RAPGEF2: variants seen among roughly 807,000 people sequenced by gnomAD.
The protein encoded by RAPGEF2 is PDZ domain containing guanine nucleotide exchange factor (GEF) 1.
RAPGEF2 carries 54 observed loss-of-function variants against 186.7 expected under a neutral mutation model. The ratio of observed to expected loss-of-function variants is 0.29; its 90% CI spans 0.23 to 0.36. The LOEUF (loss-of-function observed/expected upper bound fraction) is 0.36. RAPGEF2 is among the 10% of genes least tolerant of loss of function. The probability of loss-of-function intolerance (pLI) is 1.00; values close to 1 mark genes in which losing one functional copy is unlikely to be tolerated. For missense variants in RAPGEF2, 1,532 were observed against 2,045.0 expected, an observed-to-expected ratio of 0.75 and a Z score of 4.84; for synonymous variants, 712 against 705.9, an observed-to-expected ratio of 1.01 and a Z score of -0.14.
intron 2 of RAPGEF2, among the ~76,000 whole-genome samples, chr4:159,190,061 G>C (rs1747957838): frequency 6.6e-6 from 1 of 152,206 alleles, no homozygotes; most frequent in Non-Finnish European, 1.5e-5. Flanking sequence ...TTAGAGTCAG[G>C]ACAGCCTGCA....
At chr4:159,286,654 G>T (rs895866825) in intron 7 of RAPGEF2, among the ~76,000 whole-genome samples, 4 of 151,986 alleles carry the variant, frequency 2.6e-5, no homozygotes, top group Non-Finnish European at 5.9e-5. Flanking sequence ...CCATTGCTTT[G>T]ATCCTCCCTT....
intron 1 of RAPGEF2, among the ~76,000 whole-genome samples, chr4:159,184,618 G>A (rs1202029571): frequency 6.6e-6 from 1 of 152,136 alleles, no homozygotes; most frequent in Non-Finnish European, 1.5e-5. Context: ...ATTTGTTTAA[G>A]TTCTTTGTAG....
chr4:159,332,748 T>TA, intron 17 of RAPGEF2, 51 bp downstream of exon 17: 1 of 1,576,870 alleles, frequency 6.3e-7, no homozygotes, highest in Non-Finnish European at 8.6e-7. Flanking sequence ...GTTAAAATGA[T>TA]ATGCAAAGAT....
intron 29 of RAPGEF2, among the ~76,000 whole-genome samples, chr4:159,357,899 T>C (rs1732266167): frequency 1.3e-5 from 2 of 152,118 alleles, no homozygotes; most frequent in African/African-American, 4.8e-5. Flanking sequence ...CTTTTTAATA[T>C]TGTGTGTATA....
intron 7 of RAPGEF2, chr4:159,267,639 G>C: frequency 1.6e-6 from 1 of 639,236 alleles, no homozygotes; most frequent in Non-Finnish European, 2.1e-6. Context: ...TTGGTTGGAG[G>C]GTTCTGTATG....
intron 1 of RAPGEF2, among the ~76,000 whole-genome samples, chr4:159,146,032 CTTTT>C (rs796872300): frequency 6.7e-6 from 1 of 150,028 alleles, no homozygotes; most frequent in African/African-American, 2.5e-5. Context: ...GTAACAGTAT[CTTTT>C]TTTTTTCTGG....
At chr4:159,200,175 A>AT (rs553626065) in intron 3 of RAPGEF2, among the ~76,000 whole-genome samples, 78 of 152,244 alleles carry the variant, frequency 5.1e-4, no homozygotes, top group Admixed American at 1.8e-3. Context: ...AATTTCATAA[A>AT]TTTAAGATTG....
chr4:159,267,800 T>C (rs1033878398), intron 7 of RAPGEF2: 4 of 1,013,574 alleles, frequency 3.9e-6, no homozygotes, highest in South Asian at 8.5e-5. Flanking sequence ...TCTTTTTTTT[T>C]TTTTTTTCCT....
At chr4:159,149,588 C>T (rs1201922831) in intron 1 of RAPGEF2, among the ~76,000 whole-genome samples, 3 of 152,140 alleles carry the variant, frequency 2.0e-5, no homozygotes, top group Admixed American at 1.3e-4. Flanking sequence ...TCCTCTTCAT[C>T]TCCTCTCCCT....
chr4:159,247,348 A>G (rs1754759300), intron 7 of RAPGEF2, among the ~76,000 whole-genome samples: 1 of 152,204 alleles, frequency 6.6e-6, no homozygotes, highest in South Asian at 2.1e-4. Context: ...TAAATGGTAC[A>G]CACCCAGGGC....
intron 1 of RAPGEF2, among the ~76,000 whole-genome samples, chr4:159,166,489 T>A (rs936923143): frequency 6.6e-6 from 1 of 152,228 alleles, no homozygotes; most frequent in Non-Finnish European, 1.5e-5. Context: ...TTTTTACCTC[T>A]GCTGTGGGAT....
At chr4:159,234,785 A>T (rs1753049435) in intron 4 of RAPGEF2, among the ~76,000 whole-genome samples, 1 of 151,686 alleles carries the variant, frequency 6.6e-6, no homozygotes, top group Admixed American at 6.6e-5. Context: ...TTTGAGACTG[A>T]GTCTTGCTCT....
At chr4:159,155,366 A>G (rs1237346649) in intron 1 of RAPGEF2, among the ~76,000 whole-genome samples, 1 of 152,162 alleles carries the variant, frequency 6.6e-6, no homozygotes, top group African/African-American at 2.4e-5. Flanking sequence ...ATTTCAGAGG[A>G]TTAGAAAATT....
At chr4:159,300,606 TTACTG>T in intron 7 of RAPGEF2, among the ~76,000 whole-genome samples, 1 of 152,114 alleles carries the variant, frequency 6.6e-6, no homozygotes, top group South Asian at 2.1e-4. Context: ...ATTCAGGTAA[TTACTG>T]TATATTTCTA....
At chr4:159,121,703 A>G (rs1463012210) in intron 1 of RAPGEF2, among the ~76,000 whole-genome samples, 1 of 151,988 alleles carries the variant, frequency 6.6e-6, no homozygotes, top group Non-Finnish European at 1.5e-5. Context: ...CCACAATTTG[A>G]AAAAACTTGC....
At chr4:159,332,723 G>A (rs1484904614) in intron 17 of RAPGEF2, 26 bp downstream of exon 17, 1 of 1,603,976 alleles carries the variant, frequency 6.2e-7, no homozygotes, top group Non-Finnish European at 8.5e-7. Context: ...TGTCTTCTGT[G>A]CATTATTTTA....
At chr4:159,298,182 C>A (rs1055080401) in intron 7 of RAPGEF2, among the ~76,000 whole-genome samples, 30 of 152,112 alleles carry the variant, frequency 2.0e-4, no homozygotes, top group Non-Finnish European at 3.4e-4. Flanking sequence ...CTTATCTTAT[C>A]AGTTTATTAA....
chr4:159,193,883 C>T (rs1160453648), intron 3 of RAPGEF2, among the ~76,000 whole-genome samples: 1 of 152,136 alleles, frequency 6.6e-6, no homozygotes, highest in East Asian at 1.9e-4. Flanking sequence ...TACTTTCTAC[C>T]TTCTAGACTT....
intron 9 of RAPGEF2, among the ~76,000 whole-genome samples, chr4:159,320,586 T>C (rs1198184344): frequency 6.6e-6 from 1 of 152,124 alleles, no homozygotes; most frequent in Non-Finnish European, 1.5e-5. Context: ...TCATTTTCCT[T>C]ATTGCCAGAG....
Sources: gnomAD v4.1 joint callset for allele counts (sites outside exome capture counted in the v4.1 genomes callset) on GRCh38, gnomAD v4.1.1 for gene constraint, MANE v1.5 for transcripts, NCBI Gene and HGNC (gene_info 2026-07-23, HGNC 2026-07-21) for gene names.